Variants in DTNB observed in about 807,000 individuals in gnomAD.
DTNB encodes the protein DTN-B.
DTNB carries 63 observed loss-of-function variants against 90.7 expected under a neutral mutation model. The observed-to-expected ratio is 0.69, with a 90% CI of 0.57 to 0.86. The LOEUF (loss-of-function observed/expected upper bound fraction) is 0.86, where lower values mean the gene tolerates loss of function less well. Among genes scored for constraint, DTNB ranks in the 40% least tolerant of loss-of-function variants. The pLI is 0.00. For synonymous variants in DTNB, 277 were observed against 286.7 expected (o/e 0.97, Z 0.34); for missense variants, 744 against 807.1 (o/e 0.92, Z 0.95).
intron 15 of DTNB, among the ~76,000 whole-genome samples, chr2:25,425,233 CAT>C (rs1303552367): frequency 1.3e-5 from 2 of 152,104 alleles, no homozygotes; most frequent in Non-Finnish European, 2.9e-5. Flanking sequence ...AATGTAGAAA[CAT>C]ATCTATGCAA....
At chr2:25,407,163 T>C (rs1400078035) in intron 16 of DTNB, among the ~76,000 whole-genome samples, 4 of 151,998 alleles carry the variant, frequency 2.6e-5, no homozygotes, top group Non-Finnish European at 5.9e-5. Flanking sequence ...AACAAACATA[T>C]GAAAAAATGC....
chr2:25,641,130 A>G (rs1435864173), intron 2 of DTNB, among the ~76,000 whole-genome samples: 1 of 152,132 alleles, frequency 6.6e-6, no homozygotes, highest in African/African-American at 2.4e-5. Flanking sequence ...TTCCTTTGCC[A>G]TTGTTCCTTA....
chr2:25,533,403 T>C (rs559113191), intron 8 of DTNB, among the ~76,000 whole-genome samples: 3 of 152,204 alleles, frequency 2.0e-5, no homozygotes, highest in South Asian at 2.1e-4. Context: ...AAACGAAACA[T>C]AGAAATTCTC....
At chr2:25,557,263 A>C (rs1196344382) in intron 8 of DTNB, among the ~76,000 whole-genome samples, 1 of 152,196 alleles carries the variant, frequency 6.6e-6, no homozygotes, top group African/African-American at 2.4e-5. Flanking sequence ...GAAGACTAAG[A>C]GGTCTTCCCA....
chr2:25,617,158 C>T (rs909039461), intron 4 of DTNB, among the ~76,000 whole-genome samples: 4 of 152,176 alleles, frequency 2.6e-5, no homozygotes, highest in African/African-American at 7.2e-5. Flanking sequence ...CAAATGTATG[C>T]GTGCTTAACA....
chr2:25,592,042 T>G (rs1337754646), intron 6 of DTNB, among the ~76,000 whole-genome samples: 1 of 117,752 alleles, frequency 8.5e-6, no homozygotes, highest in Non-Finnish European at 1.6e-5. Context: ...GCCTGGGTGA[T>G]AGAGTGAGAC....
intron 8 of DTNB, among the ~76,000 whole-genome samples, chr2:25,564,527 C>A (rs912467513): frequency 6.6e-6 from 1 of 151,010 alleles, no homozygotes; most frequent in Admixed American, 6.6e-5. Context: ...ACTACAGGCA[C>A]GCGCCACCAC....
chr2:25,605,351 T>A (rs1559203622), intron 5 of DTNB, among the ~76,000 whole-genome samples: 3 of 152,216 alleles, frequency 2.0e-5, no homozygotes, highest in Admixed American at 1.3e-4. Context: ...ACATGTCACC[T>A]TTGGCTTGGC....
At chr2:25,404,506 G>A (rs1359776205) in intron 16 of DTNB, among the ~76,000 whole-genome samples, 1 of 152,154 alleles carries the variant, frequency 6.6e-6, no homozygotes, top group Non-Finnish European at 1.5e-5. Flanking sequence ...AAGGAGAAGT[G>A]TCGGCGGTGA....
intron 10 of DTNB, among the ~76,000 whole-genome samples, chr2:25,468,429 G>A (rs1481836608): frequency 2.0e-5 from 3 of 152,158 alleles, no homozygotes; most frequent in Admixed American, 6.5e-5. Flanking sequence ...TGGAACAGTG[G>A]CCACATGGAT....
At chr2:25,647,144 C>T (rs973155389) in intron 2 of DTNB, among the ~76,000 whole-genome samples, 2 of 152,068 alleles carry the variant, frequency 1.3e-5, no homozygotes, top group African/African-American at 2.4e-5. Context: ...CAATATGCTA[C>T]AAAATAGACT....
At chr2:25,649,804 G>A (rs935549031) in intron 2 of DTNB, 6 of 156,150 alleles carry the variant, frequency 3.8e-5, no homozygotes, top group East Asian at 1.9e-4. Context: ...AAAGAGTACT[G>A]GATTCAAAAC....
At chr2:25,573,034 C>T (rs2060121015) in intron 8 of DTNB, among the ~76,000 whole-genome samples, 1 of 152,106 alleles carries the variant, frequency 6.6e-6, no homozygotes, top group South Asian at 2.1e-4. Context: ...TCAACCTCCG[C>T]CTCCCAGGTT....
chr2:25,595,739 T>C (rs1335073757), intron 6 of DTNB, among the ~76,000 whole-genome samples: 6 of 152,236 alleles, frequency 3.9e-5, no homozygotes, highest in Non-Finnish European at 8.8e-5. Flanking sequence ...GCAGTATTGT[T>C]ACAGTTTTAT....
chr2:25,451,534 C>A lies in DTNB; in HGVS notation c.1257+14G>T. 1 of 1,599,596 alleles carries A rather than the reference C, an allele frequency of 6.3e-7. No homozygotes were observed. On this transcript the variant is annotated intron_variant, in intron 12 of 20. Transcript: ENST00000406818. Reference sequence around the variant, plus strand: ...TAATTTCTGCTACTCTCCTGGGATCCTCCATTAACTTACCACGTTTCCTGC... The same window carrying A: ...TAATTTCTGCTACTCTCCTGGGATCATCCATTAACTTACCACGTTTCCTGC...
chr2:25,499,894 C>A (rs939783981), intron 9 of DTNB, among the ~76,000 whole-genome samples: 1 of 151,796 alleles, frequency 6.6e-6, no homozygotes, highest in South Asian at 2.1e-4. Flanking sequence ...ACTTACCATT[C>A]TTTTTTTTGG....
At chr2:25,490,782 GTGTT>G (rs901446567) in intron 9 of DTNB, among the ~76,000 whole-genome samples, 2 of 152,142 alleles carry the variant, frequency 1.3e-5, no homozygotes, top group African/African-American at 2.4e-5. Context: ...CAACTACTGA[GTGTT>G]TGATATCTAT....
At chr2:25,492,629 C>G (rs927591705) in intron 9 of DTNB, among the ~76,000 whole-genome samples, 1 of 152,058 alleles carries the variant, frequency 6.6e-6, no homozygotes, top group East Asian at 1.9e-4. Context: ...TTTGGGAGGC[C>G]GAGGCAGGAG....
At chr2:25,606,057 C>T (rs2067032025) in intron 5 of DTNB, among the ~76,000 whole-genome samples, 1 of 152,064 alleles carries the variant, frequency 6.6e-6, no homozygotes, top group Admixed American at 6.6e-5. Flanking sequence ...ATCTAATGGG[C>T]CATCTAGCTT....
Sources: allele counts gnomAD v4.1 joint callset (sites outside exome capture counted in the v4.1 genomes callset), GRCh38; gene constraint gnomAD v4.1.1; transcripts MANE v1.5; gene names NCBI Gene and HGNC (gene_info 2026-07-23, HGNC 2026-07-21).